VAV2: variants seen among roughly 807,000 people sequenced by gnomAD.
VAV2 encodes guanine nucleotide exchange factor VAV2.
Under a neutral mutation model 132.5 loss-of-function variants are expected in VAV2, and 67 were observed. The observed-to-expected ratio is 0.51, with a 90% CI of 0.42 to 0.62. VAV2 has a LOEUF of 0.62. Among genes scored for constraint, VAV2 ranks in the 20% least tolerant of loss-of-function variants. VAV2 has a pLI of 0.00. For synonymous variants in VAV2, 492 were observed against 443.5 expected (o/e 1.11, Z -1.37); for missense variants, 938 against 1,153.6 (o/e 0.81, Z 2.71).
At chr9:133,939,077 C>G in intron 2 of VAV2, 26 bp downstream of exon 2, 1 of 1,608,052 alleles carries the variant, frequency 6.2e-7, no homozygotes, top group Non-Finnish European at 8.5e-7. Context: ...GCTGAGCGAC[C>G]GAGGCTGGAG....
chr9:133,766,938 A>G (rs1214916280), intron 29 of VAV2, among the ~76,000 whole-genome samples: 1 of 151,648 alleles, frequency 6.6e-6, no homozygotes, highest in Admixed American at 6.6e-5. Flanking sequence ...GAAATAGTAA[A>G]AAAGTACTCA....
intron 4 of VAV2, among the ~76,000 whole-genome samples, chr9:133,832,559 CTT>C (rs770322150): frequency 1.4e-5 from 2 of 146,098 alleles, no homozygotes. Context: ...TTGGAATTTT[CTT>C]TTTTTTTTTT....
At chr9:133,952,657 C>T (rs1339155124) in intron 1 of VAV2, among the ~76,000 whole-genome samples, 2 of 152,030 alleles carry the variant, frequency 1.3e-5, no homozygotes, top group African/African-American at 4.8e-5. Context: ...CCAGATTACC[C>T]AGTAGGCCCT....
chr9:133,852,406 G>C (rs902166347), intron 3 of VAV2, among the ~76,000 whole-genome samples: 1 of 151,896 alleles, frequency 6.6e-6, no homozygotes, highest in African/African-American at 2.4e-5. Flanking sequence ...GCAGAAGGGT[G>C]GGGGGAGTGC....
At chr9:133,812,305 C>A in intron 4 of VAV2, 89 bp from the exon 5 acceptor site, 1 of 1,346,086 alleles carries the variant, frequency 7.4e-7, no homozygotes, top group Non-Finnish European at 1.1e-6. Context: ...ACGAGGGACG[C>A]AGGCGGCTGG....
chr9:133,928,928 G>T lies in VAV2; in HGVS notation c.321+10175C>A, dbSNP rs747172829. ...AGATGCACCCCTGCCCACTGCCAGG[G>T]TCATCACCCACGTGCTCAAACGCGG... On this transcript the variant is annotated intron_variant, in intron 2 of 29. Transcript: ENST00000371850. This position sits in a 1 kb window ranked among gnomAD's most constrained non-coding sequence, Gnocchi z 5.4. Among the ~76,000 whole-genome samples, 20 of 152,244 alleles carry T rather than the reference G, an allele frequency of 1.3e-4. No individual in the cohort carries two copies. Among genetic ancestry groups the T allele is most frequent in the Non-Finnish European group, 2.5e-4 (17 of 68,018 alleles).
At chr9:133,825,716 G>T (rs995277748) in intron 4 of VAV2, among the ~76,000 whole-genome samples, 5 of 152,128 alleles carry the variant, frequency 3.3e-5, no homozygotes, top group African/African-American at 1.2e-4. Flanking sequence ...ACAGCGGTTT[G>T]TTCCTCACTC....
chr9:133,933,948 GA>G (rs1182767604), intron 2 of VAV2, among the ~76,000 whole-genome samples: 8 of 23,472 alleles, frequency 3.4e-4, no homozygotes, highest in Admixed American at 8.5e-4. Context: ...TGGATGGATG[GA>G]TGGTGGATGG....
At chr9:133,793,132 C>T (rs1404333225) in intron 12 of VAV2, among the ~76,000 whole-genome samples, 5 of 152,148 alleles carry the variant, frequency 3.3e-5, no homozygotes, top group African/African-American at 7.2e-5. Flanking sequence ...ACCCCCACTC[C>T]GGCGCCTGCC....
rs114099260 is a variant in VAV2, at chr9:133,810,160, C to A, written c.567+31G>T. 1,267 of 1,612,782 alleles carry A rather than the reference C, an allele frequency of 7.9e-4. 16 individuals are homozygous for A. The African/African-American group carries it at 0.015, about 19-fold the overall frequency. ...GGTCAAGAAGACGGCGCAGGCAGGACGTCCCCAGCCTCCCCTTCCGGGCCA... is the reference window on the plus strand; with the variant it reads ...GGTCAAGAAGACGGCGCAGGCAGGAAGTCCCCAGCCTCCCCTTCCGGGCCA... On this transcript the variant is annotated intron_variant, in intron 6 of 29. Coordinates refer to ENST00000371850, the MANE Select transcript of VAV2 (RefSeq NM_001134398.2).
intron 4 of VAV2, among the ~76,000 whole-genome samples, chr9:133,821,080 T>C (rs544120395): frequency 6.6e-6 from 1 of 152,354 alleles, no homozygotes. Flanking sequence ...CAAGTGGCTC[T>C]GGAATCTCCG....
At chr9:133,936,379 A>C (rs1840909348) in intron 2 of VAV2, among the ~76,000 whole-genome samples, 1 of 151,640 alleles carries the variant, frequency 6.6e-6, no homozygotes, top group Non-Finnish European at 1.5e-5. Context: ...AGTAGCTGGG[A>C]TTACATACGC....
At chr9:133,938,761 A>T (rs1410800635) in intron 2 of VAV2, among the ~76,000 whole-genome samples, 3 of 152,136 alleles carry the variant, frequency 2.0e-5, no homozygotes, top group Non-Finnish European at 4.4e-5. Context: ...GATTCAGGGC[A>T]GGAGGTAAAT....
At chr9:133,905,301 T>C (rs1588346531) in intron 2 of VAV2, among the ~76,000 whole-genome samples, 1 of 149,056 alleles carries the variant, frequency 6.7e-6, no homozygotes, top group African/African-American at 2.5e-5. Flanking sequence ...CCGGGCGTGG[T>C]GGCGGGCACC....
chr9:133,841,110 G>C (rs1836704004), intron 3 of VAV2, among the ~76,000 whole-genome samples: 1 of 152,108 alleles, frequency 6.6e-6, no homozygotes, highest in Non-Finnish European at 1.5e-5. Flanking sequence ...CAGGCAGGTA[G>C]CAGGTGCCTG....
chr9:133,935,465 A>T lies in VAV2; in HGVS notation c.321+3638T>A, dbSNP rs944342874. On this transcript the variant is annotated intron_variant, in intron 2 of 29. Coordinates refer to ENST00000371850, the MANE Select transcript of VAV2 (RefSeq NM_001134398.2). This position sits in a 1 kb window ranked among gnomAD's most constrained non-coding sequence, Gnocchi z 5.2. ...CTCGGCAAGTCCCCTCCCTGCTCTG[A>T]CCCTTCCTCCCCTCTGTCCACGGCA... is the stretch of plus-strand genomic sequence containing the variant. 5.3e-5 allele frequency among the ~76,000 whole-genome samples: 8 copies of T among 151,748 alleles called. No homozygotes were observed. Among genetic ancestry groups the T allele is most frequent in the African/African-American group, 1.9e-4 (8 of 41,308 alleles).
At chr9:133,908,502 G>A (rs1258464569) in intron 2 of VAV2, among the ~76,000 whole-genome samples, 2 of 94,682 alleles carry the variant, frequency 2.1e-5, no homozygotes, top group African/African-American at 4.3e-5. Flanking sequence ...ACAAGGACCC[G>A]CCCCCCAACT....
At chr9:133,811,279 A>G (rs1835349148) in intron 5 of VAV2, among the ~76,000 whole-genome samples, 1 of 152,270 alleles carries the variant, frequency 6.6e-6, no homozygotes, top group African/African-American at 2.4e-5. Flanking sequence ...GCAGGATGCC[A>G]GCAGAGTGGG....
intron 2 of VAV2, among the ~76,000 whole-genome samples, chr9:133,888,226 A>G (rs1314968165): frequency 6.6e-6 from 1 of 152,196 alleles, no homozygotes; most frequent in Non-Finnish European, 1.5e-5. Context: ...TGAGCGCTGA[A>G]TGGGGGCAGA....
Sources: allele counts gnomAD v4.1 joint callset (sites outside exome capture counted in the v4.1 genomes callset), GRCh38; gene constraint gnomAD v4.1.1; non-coding constraint Gnocchi (gnomAD v3.1); transcripts MANE v1.5; gene names NCBI Gene and HGNC (gene_info 2026-07-23, HGNC 2026-07-21).